SERPINI1: variants seen among roughly 807,000 people sequenced by gnomAD.
SERPINI1 encodes serpin family I member 1, also known as neuroserpin.
SERPINI1 carries 19 observed loss-of-function variants against 41.1 expected under a neutral mutation model. The ratio of observed to expected loss-of-function variants is 0.46; its 90% CI spans 0.32 to 0.68. The LOEUF is 0.68. SERPINI1 is among the 30% of genes least tolerant of loss of function. SERPINI1 has a pLI of 0.03. For synonymous variants in SERPINI1, 138 were observed against 156.6 expected (o/e 0.88, Z 0.89); for missense variants, 460 against 479.2 (o/e 0.96, Z 0.37).
intron 4 of SERPINI1, 116 bp from the exon 5 acceptor site, chr3:167,794,504 G>A: frequency 1.4e-6 from 1 of 714,990 alleles, no homozygotes; most frequent in Non-Finnish European, 2.2e-6. Context: ...GTGAGATTTT[G>A]TTGCACAAGT....
intron 1 of SERPINI1, among the ~76,000 whole-genome samples, chr3:167,750,520 A>G (rs1207578576): frequency 6.6e-6 from 1 of 152,232 alleles, no homozygotes; most frequent in Non-Finnish European, 1.5e-5. Flanking sequence ...TGTGAAGAGA[A>G]AGTGAAAGGT....
intron 1 of SERPINI1, among the ~76,000 whole-genome samples, chr3:167,744,802 A>T (rs1173098331): frequency 2.4e-5 from 3 of 122,616 alleles, no homozygotes; most frequent in South Asian, 2.3e-4. Context: ...ATATATATAT[A>T]ATATATAAAT....
At chr3:167,801,278 G>T (rs1727890671) in intron 5 of SERPINI1, among the ~76,000 whole-genome samples, 1 of 152,102 alleles carries the variant, frequency 6.6e-6, no homozygotes, top group South Asian at 2.1e-4. Context: ...CCTCCATATG[G>T]CTCTTCAACT....
At chr3:167,799,923 T>A (rs547782736) in intron 5 of SERPINI1, 40 of 152,324 alleles carry the variant, frequency 2.6e-4, no homozygotes, top group African/African-American at 9.6e-4. Flanking sequence ...TTCTTGTAGA[T>A]TATTATCAAA....
intron 5 of SERPINI1, among the ~76,000 whole-genome samples, chr3:167,802,034 C>A (rs1054707714): frequency 5.9e-5 from 9 of 152,028 alleles, no homozygotes; most frequent in African/African-American, 2.2e-4. Context: ...GAAAGGATTC[C>A]CTATTTAATA....
chr3:167,747,366 C>A (rs1314011278), intron 1 of SERPINI1, among the ~76,000 whole-genome samples: 1 of 152,064 alleles, frequency 6.6e-6, no homozygotes, highest in East Asian at 1.9e-4. Flanking sequence ...CTAGATTGGC[C>A]GGGCACGGTG....
At chr3:167,776,701 G>A (rs889359739) in intron 1 of SERPINI1, among the ~76,000 whole-genome samples, 1 of 152,210 alleles carries the variant, frequency 6.6e-6, no homozygotes, top group Admixed American at 6.5e-5. Flanking sequence ...CTAGCCACAT[G>A]TGACTATTTG....
At chr3:167,789,506 C>A in intron 2 of SERPINI1, 128 bp downstream of exon 2, 1 of 1,103,634 alleles carries the variant, frequency 9.1e-7, no homozygotes, top group Non-Finnish European at 1.3e-6. Context: ...AATGGTATGG[C>A]TAGAAGGATT....
At chr3:167,824,408 T>C in intron 7 of SERPINI1, 65 bp from the exon 8 acceptor site, 2 of 1,247,166 alleles carry the variant, frequency 1.6e-6, no homozygotes, top group Admixed American at 1.7e-5. Flanking sequence ...TAGATGGTTT[T>C]GAGGAATTAC....
At chr3:167,738,161 ATTAC>A (rs1725544808) in intron 1 of SERPINI1, among the ~76,000 whole-genome samples, 1 of 152,236 alleles carries the variant, frequency 6.6e-6, no homozygotes, top group Non-Finnish European at 1.5e-5. Context: ...TTATAAGCAT[ATTAC>A]TTATTTTGCT....
intron 1 of SERPINI1, among the ~76,000 whole-genome samples, chr3:167,741,619 A>G (rs772777307): frequency 3.3e-5 from 5 of 152,250 alleles, no homozygotes; most frequent in Non-Finnish European, 4.4e-5. Flanking sequence ...ATTGTGGTGT[A>G]TAATTTTTGC....
intron 5 of SERPINI1, among the ~76,000 whole-genome samples, chr3:167,804,124 C>T (rs1021264642): frequency 2.0e-5 from 3 of 152,164 alleles, no homozygotes; most frequent in Non-Finnish European, 4.4e-5. Flanking sequence ...TTCTACTTCA[C>T]AATCAATACC....
At chr3:167,821,422 G>A (rs544137443) in intron 6 of SERPINI1, among the ~76,000 whole-genome samples, 3 of 152,296 alleles carry the variant, frequency 2.0e-5, no homozygotes, top group South Asian at 2.1e-4. Context: ...AGCAGTGGAA[G>A]CTGCTTGTGG....
At position 167,824,477 on chromosome 3, in the gene SERPINI1, G is replaced by T. The variant is rs1168773849; in HGVS notation, c.1071G>T (p.Met357Ile). The change falls in exon 8 of 9, where the codon ATG (methionine) becomes ATT (isoleucine). Residue 357 changes from methionine to isoleucine, a missense_variant. Met to Ile is a conservative substitution (Grantham distance 10). Coordinates refer to ENST00000446050, the MANE Select transcript of SERPINI1 (RefSeq NM_001122752.2). ...TACTTTTTATCTGCACTGTAGGAAT[G>T]ATTGCAATTAGTAGGATGGCTGTGC... ...EGSEAAAVSG[M>I]IAISRMAVLY... 1.2e-6 allele frequency: 2 copies of T among 1,612,434 alleles called. No homozygotes were observed. Among genetic ancestry groups the T allele is most frequent in the Non-Finnish European group, 1.7e-6 (2 of 1,178,664 alleles).
intron 1 of SERPINI1, among the ~76,000 whole-genome samples, chr3:167,769,222 G>A (rs1411568207): frequency 6.6e-6 from 1 of 152,024 alleles, no homozygotes; most frequent in African/African-American, 2.4e-5. Flanking sequence ...TCAATCTCTT[G>A]ACCTTGTGAT....
rs778625214 is a variant in SERPINI1 at position 167,789,207 on chromosome 3, G to A, written c.79G>A (p.Ala27Thr). The A allele has an allele frequency of 1.2e-6, 2 of 1,614,158 alleles. No homozygotes were observed. The highest frequency in any genetic ancestry group is 1.7e-6 in the Non-Finnish European group (2 of 1,180,014). ...GGCCACTTTCCCTGAGGAAGCCATT[G>A]CTGACTTGTCAGTGAATATGTATAA... is the stretch of plus-strand genomic sequence containing the variant. ...TGATFPEEAI[A>T]DLSVNMYNRL... Residue 27 changes from alanine (A) to threonine (T), a missense_variant, in exon 2 of 9, where the codon GCT becomes ACT. By Grantham distance (58) the Ala-to-Thr change is moderately conservative. Coordinates refer to ENST00000446050, the MANE Select transcript of SERPINI1 (RefSeq NM_001122752.2).
At chr3:167,750,314 A>G (rs945913588) in intron 1 of SERPINI1, among the ~76,000 whole-genome samples, 1 of 152,236 alleles carries the variant, frequency 6.6e-6, no homozygotes, top group African/African-American at 2.4e-5. Context: ...ATTATGTAAC[A>G]TATCTTCTTC....
At chr3:167,790,900 G>A (rs148719691) in intron 3 of SERPINI1, among the ~76,000 whole-genome samples, 1 of 151,986 alleles carries the variant, frequency 6.6e-6, no homozygotes, top group Non-Finnish European at 1.5e-5. Flanking sequence ...AATTTTGCTT[G>A]TCCTATTTAA....
chr3:167,761,613 A>G (rs563854900), intron 1 of SERPINI1, among the ~76,000 whole-genome samples: 3 of 152,344 alleles, frequency 2.0e-5, no homozygotes, highest in East Asian at 1.9e-4. Flanking sequence ...TGCTTATAAA[A>G]TGTGCTTCAA....
Sources: gnomAD v4.1 joint callset for allele counts (sites outside exome capture counted in the v4.1 genomes callset) on GRCh38, gnomAD v4.1.1 for gene constraint, MANE v1.5 for transcripts, NCBI Gene and HGNC (gene_info 2026-07-23, HGNC 2026-07-21) for gene names.